The following SPDYE10 variants were observed in gnomAD, a reference collection of about 807,000 sequenced individuals.
SPDYE10 encodes the protein speedy/RINGO cell cycle regulator family member E10.
chr7:73,147,472 GGTTTTGTTTTTTGGTTTGTACTGTGTTT>G, the SPDYE10 span, among the ~76,000 whole-genome samples: 3 of 141,770 alleles, frequency 2.1e-5, no homozygotes, highest in Non-Finnish European at 3.0e-5. Context: ...CACCCAGCTG[GGTTTTGTTTTTTGGTTTGTACTGTGTTT>G]GTTTTGTTTT....
At chr7:73,131,203 TAAA>T in the SPDYE10 span, among the ~76,000 whole-genome samples, 8 of 114,124 alleles carry the variant, frequency 7.0e-5, no homozygotes, top group South Asian at 2.7e-4. Flanking sequence ...ACTGTCTCTT[TAAA>T]AAAAAAAAAA....
At chr7:73,123,763 CTTT>C in the SPDYE10 span, among the ~76,000 whole-genome samples, 1 of 147,526 alleles carries the variant, frequency 6.8e-6, no homozygotes, top group African/African-American at 2.6e-5. Flanking sequence ...TGGCCATTTC[CTTT>C]CTCTCTCTCT....
chr7:73,132,546 CAAA>C, the SPDYE10 span, among the ~76,000 whole-genome samples: 782 of 59,476 alleles, frequency 0.013, 4 homozygotes, highest in African/African-American at 0.043. Flanking sequence ...GACCCTGTCT[CAAA>C]AAAAAAAAAA....
chr7:73,123,446 T>C, the SPDYE10 span, among the ~76,000 whole-genome samples: 2 of 152,206 alleles, frequency 1.3e-5, no homozygotes, highest in Admixed American at 6.5e-5. Context: ...ACTTCCTTGA[T>C]AGCACTCATT....
chr7:73,150,913 T>A, the SPDYE10 span, among the ~76,000 whole-genome samples: 192 of 11,910 alleles, frequency 0.016, no homozygotes, highest in African/African-American at 0.024. Context: ...AAAAAATATA[T>A]ATATATATAT....
the SPDYE10 span, among the ~76,000 whole-genome samples, chr7:73,139,596 C>T: frequency 6.7e-6 from 1 of 149,272 alleles, no homozygotes; most frequent in South Asian, 2.1e-4. Context: ...GCTGAGATTA[C>T]AGGCATGAGC....
the SPDYE10 span, among the ~76,000 whole-genome samples, chr7:73,145,219 G>C: frequency 3.7e-5 from 3 of 81,384 alleles, no homozygotes; most frequent in Admixed American, 3.0e-4. Context: ...TCTTTCTTTG[G>C]CCTTTCATTT....
the SPDYE10 span, among the ~76,000 whole-genome samples, chr7:73,137,591 G>GAAGAAAGA: frequency 1.8e-5 from 1 of 56,708 alleles, no homozygotes; most frequent in Non-Finnish European, 3.5e-5. Context: ...AGAAAGAAGA[G>GAAGAAAGA]ATGAAAGAAA....
chr7:73,128,027 ATTGT>A, the SPDYE10 span, among the ~76,000 whole-genome samples: 3 of 147,218 alleles, frequency 2.0e-5, no homozygotes, highest in Non-Finnish European at 4.5e-5. Context: ...TTATTGCAAC[ATTGT>A]TTAAAACAAG....
the SPDYE10 span, among the ~76,000 whole-genome samples, chr7:73,138,720 CTA>C: frequency 6.6e-6 from 1 of 150,414 alleles, no homozygotes; most frequent in Non-Finnish European, 1.5e-5. Flanking sequence ...TTGTTGCAAC[CTA>C]TGAGTCAGGA....
At chr7:73,145,096 CTTT>C in the SPDYE10 span, among the ~76,000 whole-genome samples, 1 of 139,714 alleles carries the variant, frequency 7.2e-6, no homozygotes, top group South Asian at 2.3e-4. Flanking sequence ...TTCTTTCTTT[CTTT>C]CTTTCCTCTT....
chr7:73,134,628 G>A, the SPDYE10 span, among the ~76,000 whole-genome samples: 1 of 152,246 alleles, frequency 6.6e-6, no homozygotes, highest in Admixed American at 6.5e-5. Flanking sequence ...TTGGGAGGCT[G>A]AGGCGGGCAG....
At chr7:73,154,797 C>A in the SPDYE10 span, 3 of 202,818 alleles carry the variant, frequency 1.5e-5, no homozygotes, top group East Asian at 3.2e-4. Context: ...GCCCAGCCCC[C>A]GCGGCAGCAA....
At chr7:73,134,588 A>T in the SPDYE10 span, among the ~76,000 whole-genome samples, 10 of 152,176 alleles carry the variant, frequency 6.6e-5, no homozygotes, top group Admixed American at 6.5e-4. Context: ...CAGGACAGGC[A>T]TAATGGCTCA....
the SPDYE10 span, among the ~76,000 whole-genome samples, chr7:73,135,184 ACCT>A: frequency 6.6e-6 from 1 of 151,322 alleles, no homozygotes; most frequent in Non-Finnish European, 1.5e-5. Context: ...TTTCCTCCTA[ACCT>A]CCTCTAGCCT....
the SPDYE10 span, among the ~76,000 whole-genome samples, chr7:73,134,982 T>G: frequency 5.3e-5 from 8 of 152,278 alleles, no homozygotes; most frequent in Admixed American, 2.0e-4. Context: ...CAGAGAGAGA[T>G]AGGAGGGAAA....
chr7:73,150,944 A>T, the SPDYE10 span, among the ~76,000 whole-genome samples: 4 of 15,814 alleles, frequency 2.5e-4, no homozygotes, highest in East Asian at 6.6e-3. Flanking sequence ...ATATATATAT[A>T]TATATTTTTT....
chr7:73,131,332 AC>A, the SPDYE10 span, among the ~76,000 whole-genome samples: 2 of 149,970 alleles, frequency 1.3e-5, no homozygotes, highest in Admixed American at 6.6e-5. Flanking sequence ...ACAGCCATTC[AC>A]ACTTGTCCAG....
At chr7:73,137,534 AAGAG>A in the SPDYE10 span, among the ~76,000 whole-genome samples, 187 of 150,822 alleles carry the variant, frequency 1.2e-3, no homozygotes, top group Middle Eastern at 3.4e-3. Flanking sequence ...AAAGGAAAGA[AAGAG>A]AGAGAGAAAG....
Sources: allele counts gnomAD v4.1 joint callset (sites outside exome capture counted in the v4.1 genomes callset), GRCh38; gene constraint gnomAD v4.1.1; transcripts MANE v1.5; gene names NCBI Gene and HGNC (gene_info 2026-07-23, HGNC 2026-07-21).